GPC5: variants seen among roughly 807,000 people sequenced by gnomAD.
GPC5 encodes the protein glypican-5.
A neutral mutation model predicts 53.9 loss-of-function variants in GPC5; 47 were observed. The ratio of observed to expected loss-of-function variants is 0.87; its 90% CI spans 0.69 to 1.11. GPC5 has a LOEUF of 1.11. Ranked by LOEUF, GPC5 falls within the 50% of genes most tolerant of loss-of-function variation. GPC5 has a pLI of 0.00. For missense variants in GPC5, 748 were observed against 713.1 expected, an observed-to-expected ratio of 1.05 and a Z score of -0.56; for synonymous variants, 286 against 263.3, an observed-to-expected ratio of 1.09 and a Z score of -0.84.
At chr13:92,034,288 G>T (rs924734576) in intron 6 of GPC5, among the ~76,000 whole-genome samples, 1 of 152,124 alleles carries the variant, frequency 6.6e-6, no homozygotes, top group Non-Finnish European at 1.5e-5. Context: ...TTCAGGTCAG[G>T]AGTTCAAGAC....
chr13:91,665,744 A>C (rs992608673), intron 2 of GPC5, among the ~76,000 whole-genome samples: 2 of 152,010 alleles, frequency 1.3e-5, no homozygotes, highest in Non-Finnish European at 2.9e-5. Flanking sequence ...TGACCTCGTG[A>C]TCTGCTGGTC....
intron 6 of GPC5, among the ~76,000 whole-genome samples, chr13:92,017,794 G>A (rs1000946314): frequency 6.6e-6 from 1 of 150,588 alleles, no homozygotes; most frequent in Non-Finnish European, 1.5e-5. Flanking sequence ...ACACACGCAT[G>A]AGTACACACA....
At chr13:91,582,095 A>G (rs2032385589) in intron 2 of GPC5, among the ~76,000 whole-genome samples, 1 of 152,128 alleles carries the variant, frequency 6.6e-6, no homozygotes, top group Admixed American at 6.5e-5. Context: ...CACCAAGTAG[A>G]CATTTTAACA....
intron 7 of GPC5, among the ~76,000 whole-genome samples, chr13:92,829,141 T>C (rs1289321930): frequency 6.6e-6 from 1 of 152,164 alleles, no homozygotes; most frequent in East Asian, 1.9e-4. Flanking sequence ...ACTGCAGCCA[T>C]GCTCTCAAGA....
chr13:92,458,401 A>G (rs1320126280), intron 7 of GPC5, among the ~76,000 whole-genome samples: 3 of 151,706 alleles, frequency 2.0e-5, no homozygotes, highest in Non-Finnish European at 4.4e-5. Context: ...CGGGTTTAAG[A>G]TATTCTCCTG....
chr13:92,377,578 C>A (rs1386614660), intron 7 of GPC5, among the ~76,000 whole-genome samples: 3 of 152,092 alleles, frequency 2.0e-5, no homozygotes, highest in Admixed American at 6.6e-5. Context: ...AGGACTGCAC[C>A]AATTGCTAGA....
chr13:91,907,681 T>G (rs901965173), intron 5 of GPC5, among the ~76,000 whole-genome samples: 18 of 151,736 alleles, frequency 1.2e-4, no homozygotes, highest in African/African-American at 4.1e-4. Context: ...TGTTAAGTAG[T>G]ATCAAAAAAC....
chr13:92,350,217 A>G (rs1270642971), intron 7 of GPC5, among the ~76,000 whole-genome samples: 2 of 152,142 alleles, frequency 1.3e-5, no homozygotes, highest in African/African-American at 2.4e-5. Context: ...CAAATTTAGT[A>G]TAGAAAGAGT....
At chr13:91,933,357 T>C (rs1373399298) in intron 6 of GPC5, among the ~76,000 whole-genome samples, 1 of 151,970 alleles carries the variant, frequency 6.6e-6, no homozygotes, top group Admixed American at 6.6e-5. Flanking sequence ...AAATCATGTA[T>C]CATGAATACA....
intron 7 of GPC5, among the ~76,000 whole-genome samples, chr13:92,428,565 C>T (rs1876946572): frequency 6.6e-6 from 1 of 152,036 alleles, no homozygotes; most frequent in African/African-American, 2.4e-5. Context: ...ATATATCTTG[C>T]TCAGAGAAAC....
At chr13:92,169,184 G>C (rs1566467077) in intron 7 of GPC5, among the ~76,000 whole-genome samples, 1 of 152,222 alleles carries the variant, frequency 6.6e-6, no homozygotes, top group African/African-American at 2.4e-5. Context: ...TGTCAGGGGT[G>C]GGGTGGCGGG....
intron 7 of GPC5, among the ~76,000 whole-genome samples, chr13:92,500,513 T>C (rs985523383): frequency 6.6e-6 from 1 of 152,246 alleles, no homozygotes; most frequent in Non-Finnish European, 1.5e-5. Context: ...TACATTCCTA[T>C]GTTAATCACC....
chr13:92,012,062 A>G (rs1249487697), intron 6 of GPC5, among the ~76,000 whole-genome samples: 1 of 152,236 alleles, frequency 6.6e-6, no homozygotes, highest in African/African-American at 2.4e-5. Context: ...TAGAACTTCT[A>G]GAAAATAATA....
chr13:91,650,947 A>G (rs2034693892), intron 2 of GPC5, among the ~76,000 whole-genome samples: 1 of 152,100 alleles, frequency 6.6e-6, no homozygotes, highest in Non-Finnish European at 1.5e-5. Flanking sequence ...AATATTGAGT[A>G]TATTTCTAAC....
chr13:91,965,040 A>ACTT (rs1206682033), intron 6 of GPC5, among the ~76,000 whole-genome samples: 1 of 130,402 alleles, frequency 7.7e-6, no homozygotes, highest in African/African-American at 2.9e-5. Flanking sequence ...CAATGAGAAC[A>ACTT]CTTAGACACA....
At chr13:91,975,707 G>GGAT (rs1185173998) in intron 6 of GPC5, among the ~76,000 whole-genome samples, 1 of 152,178 alleles carries the variant, frequency 6.6e-6, no homozygotes, top group African/African-American at 2.4e-5. Flanking sequence ...GTGGAAGTCA[G>GGAT]TGTGGCGATT....
At chr13:92,695,389 C>G (rs918485603) in intron 7 of GPC5, among the ~76,000 whole-genome samples, 2 of 152,148 alleles carry the variant, frequency 1.3e-5, no homozygotes, top group African/African-American at 4.8e-5. Context: ...CTTATTAACA[C>G]CCTTGTAAAA....
chr13:92,676,404 C>T (rs1197294937), intron 7 of GPC5, among the ~76,000 whole-genome samples: 1 of 151,962 alleles, frequency 6.6e-6, no homozygotes, highest in Non-Finnish European at 1.5e-5. Flanking sequence ...TTAGGAGATA[C>T]AATTGCCATC....
chr13:91,529,871 G>T (rs1486172989), intron 2 of GPC5, among the ~76,000 whole-genome samples: 1 of 152,006 alleles, frequency 6.6e-6, no homozygotes, highest in Non-Finnish European at 1.5e-5. Flanking sequence ...GGTCACAAGT[G>T]GGTCTGAGCT....
Sources: gnomAD v4.1 joint callset for allele counts (sites outside exome capture counted in the v4.1 genomes callset) on GRCh38, gnomAD v4.1.1 for gene constraint, MANE v1.5 for transcripts, NCBI Gene and HGNC (gene_info 2026-07-23, HGNC 2026-07-21) for gene names.